Variants in TRDN observed in about 807,000 individuals in gnomAD.
TRDN encodes triadin in skeletal muscle.
A neutral mutation model predicts 149.7 loss-of-function variants in TRDN; 161 were observed. That is an observed-to-expected ratio of 1.08 (90% CI 0.95 to 1.23). The LOEUF (loss-of-function observed/expected upper bound fraction) is 1.23. TRDN is among the 50% of genes most tolerant of loss of function. TRDN has a pLI of 0.00. For synonymous variants in TRDN, 294 were observed against 250.5 expected (o/e 1.17, Z -1.64); for missense variants, 896 against 823.5 (o/e 1.09, Z -1.08).
rs775014014 is a variant in TRDN, at chr6:123,499,703, CAAA to C, written c.794-2454_794-2452del. ...TGGGCAACATAGTGAGATTCTGGCT[CAAA>C]AAAAAAAAAAAAAATATATATATAT... On this transcript the variant is annotated intron_variant, in intron 8 of 40. Coordinates refer to ENST00000334268, the MANE Select transcript of TRDN (RefSeq NM_006073.4). 6.6e-3 allele frequency among the ~76,000 whole-genome samples: 151 copies of C among 22,824 alleles called. 11 individuals are homozygous for C. The highest frequency in any genetic ancestry group is 0.02 in the African/African-American group (144 of 7,248). 15.0% of individuals were successfully genotyped at this position (22,824 alleles called of 152,430 possible). A position where few individuals can be genotyped will look rare whatever the true frequency, so the allele number is the denominator to read the frequency against.
intron 38 of TRDN, 44 bp from the exon 39 acceptor site, chr6:123,224,175 C>T (rs776204700): frequency 2.0e-5 from 32 of 1,580,474 alleles, no homozygotes; most frequent in Non-Finnish European, 2.8e-5. Flanking sequence ...GTCAATTTTT[C>T]AGTTTTCCCA....
chr6:123,617,643 T>A (rs79454015), intron 1 of TRDN, among the ~76,000 whole-genome samples: 3,155 of 152,290 alleles, frequency 0.021, 119 homozygotes, highest in East Asian at 0.17. Context: ...GTGACCTTGA[T>A]AAAGGAACTC....
chr6:123,435,867 A>G (rs1774539457), intron 12 of TRDN, among the ~76,000 whole-genome samples: 1 of 152,180 alleles, frequency 6.6e-6, no homozygotes, highest in South Asian at 2.1e-4. Flanking sequence ...TCACTTTGAC[A>G]TGACTGCTGG....
intron 9 of TRDN, among the ~76,000 whole-genome samples, chr6:123,474,163 T>C (rs889953763): frequency 6.7e-6 from 1 of 150,160 alleles, no homozygotes; most frequent in African/African-American, 2.5e-5. Flanking sequence ...TTGGATAGAG[T>C]CAAGACCCAT....
intron 9 of TRDN, among the ~76,000 whole-genome samples, chr6:123,480,394 TAA>T: frequency 6.6e-6 from 1 of 152,032 alleles, no homozygotes; most frequent in Non-Finnish European, 1.5e-5. Flanking sequence ...AATAAATAAA[TAA>T]TAACTTTATT....
chr6:123,624,823 G>A (rs1312056106), intron 1 of TRDN, among the ~76,000 whole-genome samples: 1 of 152,042 alleles, frequency 6.6e-6, no homozygotes, highest in East Asian at 1.9e-4. Flanking sequence ...CAGCAATAGA[G>A]GTTCAAATAA....
intron 19 of TRDN, among the ~76,000 whole-genome samples, chr6:123,366,693 T>G (rs1203568358): frequency 6.6e-6 from 1 of 152,068 alleles, no homozygotes; most frequent in Non-Finnish European, 1.5e-5. Flanking sequence ...AATTTTTGTA[T>G]TTTTAGTAGA....
chr6:123,321,330 G>A (rs554876860), intron 23 of TRDN, among the ~76,000 whole-genome samples: 1 of 151,772 alleles, frequency 6.6e-6, no homozygotes, highest in Non-Finnish European at 1.5e-5. Flanking sequence ...TACTTTTCTC[G>A]CACTTTTCTA....
At chr6:123,320,790 A>G (rs541931467) in intron 23 of TRDN, among the ~76,000 whole-genome samples, 1 of 152,178 alleles carries the variant, frequency 6.6e-6, no homozygotes, top group Non-Finnish European at 1.5e-5. Context: ...AGTCATTAGG[A>G]TTATAATTAA....
intron 24 of TRDN, among the ~76,000 whole-genome samples, chr6:123,288,100 TAAA>T (rs1163818350): frequency 6.6e-6 from 1 of 151,884 alleles, no homozygotes; most frequent in African/African-American, 2.4e-5. Flanking sequence ...GCAAAGGAAT[TAAA>T]AAGGAAAAAT....
intron 24 of TRDN, among the ~76,000 whole-genome samples, chr6:123,299,478 A>G (rs528304318): frequency 6.6e-6 from 1 of 152,072 alleles, no homozygotes; most frequent in Non-Finnish European, 1.5e-5. Context: ...ACTACACTCA[A>G]ATAAATAGTC....
chr6:123,454,171 G>A (rs1323200347), intron 10 of TRDN, among the ~76,000 whole-genome samples: 2 of 151,838 alleles, frequency 1.3e-5, no homozygotes, highest in African/African-American at 4.8e-5. Flanking sequence ...CTACAAATAC[G>A]GTGCAGTGTA....
At chr6:123,571,417 A>C (rs1185283470) in intron 1 of TRDN, among the ~76,000 whole-genome samples, 2 of 151,990 alleles carry the variant, frequency 1.3e-5, no homozygotes, top group Admixed American at 1.3e-4. Flanking sequence ...AATGGATAAA[A>C]CTTCTTCTGA....
intron 19 of TRDN, among the ~76,000 whole-genome samples, chr6:123,370,394 A>C (rs1008812215): frequency 6.6e-6 from 1 of 152,074 alleles, no homozygotes; most frequent in Non-Finnish European, 1.5e-5. Context: ...ATTTTTTGAG[A>C]TATAACTATG....
chr6:123,630,123 T>A (rs554069301), intron 1 of TRDN, among the ~76,000 whole-genome samples: 4 of 151,230 alleles, frequency 2.6e-5, no homozygotes, highest in Admixed American at 2.6e-4. Flanking sequence ...TATTGTATGA[T>A]GTTAATGCAT....
chr6:123,297,989 A>G (rs1391964333), intron 24 of TRDN, among the ~76,000 whole-genome samples: 1 of 152,058 alleles, frequency 6.6e-6, no homozygotes, highest in Non-Finnish European at 1.5e-5. Flanking sequence ...ATTCCTCTCC[A>G]TACTCACAAG....
In TRDN at chr6:123,311,471, C is replaced by A. The variant is rs548335084; in HGVS notation, c.1510+4986G>T. On this transcript the variant is annotated intron_variant, in intron 24 of 40. Transcript: ENST00000334268. ...GCTTTGTCCCTGCAGTGAGGAAGTA[C>A]CTTGCCAGTAAACGGTTGACTTTTA... Among the ~76,000 whole-genome samples the A allele has an allele frequency of 3.2e-4, 48 of 151,968 alleles. 1 individual carries two copies. The South Asian group carries it at 9.3e-3, about 30-fold the overall frequency.
chr6:123,358,412 T>A (rs1780768728), intron 20 of TRDN, among the ~76,000 whole-genome samples: 1 of 152,140 alleles, frequency 6.6e-6, no homozygotes, highest in Non-Finnish European at 1.5e-5. Context: ...CCTCCCTTTT[T>A]TCTCCGTATC....
intron 20 of TRDN, among the ~76,000 whole-genome samples, chr6:123,363,709 G>A (rs899300554): frequency 6.6e-6 from 1 of 152,138 alleles, no homozygotes; most frequent in African/African-American, 2.4e-5. Flanking sequence ...CTTAGTTGAG[G>A]ACTCTGGTGA....
Sources: gnomAD v4.1 joint callset for allele counts (sites outside exome capture counted in the v4.1 genomes callset) on GRCh38, gnomAD v4.1.1 for gene constraint, MANE v1.5 for transcripts, NCBI Gene and HGNC (gene_info 2026-07-23, HGNC 2026-07-21) for gene names.